Variants in ALS2 observed in about 807,000 individuals in gnomAD.
The protein encoded by ALS2 is alsin.
Under a neutral mutation model 203.4 loss-of-function variants are expected in ALS2, and 117 were observed. The observed-to-expected ratio is 0.58, with a 90% confidence interval of 0.50 to 0.67. The LOEUF is 0.67. Among genes scored for constraint, ALS2 ranks in the 30% least tolerant of loss-of-function variants. The pLI is 0.00. For missense variants in ALS2, 1,715 were observed against 1,989.4 expected (o/e 0.86, Z 2.62); for synonymous variants, 718 against 725.9 (o/e 0.99, Z 0.17).
chr2:201,767,384 C>A lies in ALS2; in HGVS notation c.21-1G>T, dbSNP rs1181318838. 1 of 1,613,900 alleles carries A rather than the reference C, an allele frequency of 6.2e-7. No individual in the cohort carries two copies. Among genetic ancestry groups the A allele is most frequent in the East Asian group, 2.2e-5 (1 of 44,878 alleles). ...CTTGGATCCTTCTGCCTCTGTTGAG[C>A]TAAAACATCAAGAAACATAGCTTAA... On this transcript the variant is annotated splice_acceptor_variant, in intron 2 of 33. Transcript: ENST00000264276. LOFTEE classifies it high-confidence loss of function.
At position 201,707,962 on chromosome 2, in the gene ALS2, C is replaced by T; in HGVS notation, c.4310G>A (p.Gly1437Asp). The T allele has an allele frequency of 6.2e-7, 1 of 1,613,060 alleles. No homozygotes were observed. The highest frequency in any genetic ancestry group is 8.5e-7 in the Non-Finnish European group (1 of 1,179,358). ...RFLFPELPEE[G>D]STIPLSAPLP... The stretch of plus-strand genomic sequence containing the variant: ...AGGAGCAGAGAGAGGAATTGTGCTG[C>T]CTTCTTCAGGCAGCTCAGGAAATAA... The change falls in exon 28 of 34, where the codon GGC (glycine) becomes GAC (aspartate). Residue 1437 changes from glycine to aspartate, a missense_variant. Physicochemically the swap from Gly to Asp is moderately conservative, Grantham distance 94 (BLOSUM62 -1). Transcript: ENST00000264276.
In ALS2 at chr2:201,705,205, A is replaced by G. The variant is rs764322790; in HGVS notation, c.4627-5T>C. ...ATCTTTCGTGGTTGGCAAAACCTGCAAAAAAGAGAGTGAAGGTCAAGGAGG... is the reference window on the plus strand; with the variant it reads ...ATCTTTCGTGGTTGGCAAAACCTGCGAAAAAGAGAGTGAAGGTCAAGGAGG... On this transcript the variant is annotated splice_polypyrimidine_tract_variant and splice_region_variant and intron_variant, in intron 30 of 33. Transcript: ENST00000264276. 2.9e-5 allele frequency: 47 copies of G among 1,613,778 alleles called. 1 individual carries two copies. Among genetic ancestry groups the G allele is most frequent in the South Asian group, 1.2e-4 (11 of 91,076 alleles).
intron 1 of ALS2, chr2:201,780,138 T>C (rs957850640): frequency 6.6e-6 from 1 of 152,216 alleles, no homozygotes; most frequent in African/African-American, 2.4e-5. Context: ...AAGAGTGTTT[T>C]TTCTCTTCCA....
intron 24 of ALS2, 151 bp downstream of exon 24, chr2:201,717,926 G>A: frequency 1.4e-6 from 1 of 738,580 alleles, no homozygotes; most frequent in African/African-American, 1.8e-5. Context: ...GTGACAGAGT[G>A]ACACCCTGTC....
At chr2:201,718,360 A>T in intron 23 of ALS2, 150 bp from the exon 24 acceptor site, 1 of 869,494 alleles carries the variant, frequency 1.2e-6, no homozygotes, top group Non-Finnish European at 1.8e-6. Flanking sequence ...CCTGGGTTAA[A>T]GTGATCCTCC....
chr2:201,717,715 A>T (rs1254163180), intron 24 of ALS2, among the ~76,000 whole-genome samples: 2 of 151,952 alleles, frequency 1.3e-5, no homozygotes, highest in East Asian at 3.9e-4. Context: ...AGGCTGAGGC[A>T]GGAGGATCGC....
intron 2 of ALS2, among the ~76,000 whole-genome samples, chr2:201,768,216 G>A (rs1694199882): frequency 6.6e-6 from 1 of 151,986 alleles, no homozygotes; most frequent in Non-Finnish European, 1.5e-5. Flanking sequence ...AATCCTTAAT[G>A]CTTTGCTCAA....
In ALS2 at chr2:201,709,900, G is replaced by A. The variant is rs863225293; in HGVS notation, c.4261C>T (p.Arg1421Ter). The change falls in exon 27 of 34, where the codon CGA (arginine) becomes TGA (stop). Residue 1421 changes from arginine (R) to a stop codon, truncating the protein, a stop_gained. Coordinates refer to ENST00000264276, the MANE Select transcript of ALS2 (RefSeq NM_020919.4). LOFTEE classifies it high-confidence loss of function. The stretch of plus-strand genomic sequence containing the variant: ...TCTTACCTCACCAGCTGGAAAATTC[G>A]CTTAAGATAGGACTTAATCTCCTTT... ...AVKEIKSYLK[R>*]IFQLVRFLFP... is the part of the protein sequence containing the mutation. The A allele has an allele frequency of 3.7e-6, 6 of 1,613,912 alleles. No homozygotes were observed. Among genetic ancestry groups the A allele is most frequent in the South Asian group, 1.1e-5 (1 of 91,084 alleles).
At chr2:201,733,661 G>A (rs1433844670) in intron 12 of ALS2, among the ~76,000 whole-genome samples, 3 of 152,126 alleles carry the variant, frequency 2.0e-5, no homozygotes, top group South Asian at 2.1e-4. Flanking sequence ...CAATACAAAC[G>A]GTTAATCACA....
At chr2:201,718,346 G>T in intron 23 of ALS2, 136 bp from the exon 24 acceptor site, 2 of 954,552 alleles carry the variant, frequency 2.1e-6, no homozygotes, top group Admixed American at 2.0e-5. Flanking sequence ...TGCAACCTCC[G>T]CTTCCTGGGT....
At chr2:201,758,786 T>TG (rs1553514712) in intron 4 of ALS2, among the ~76,000 whole-genome samples, 1,466 of 103,176 alleles carry the variant, frequency 0.014, 14 homozygotes, top group African/African-American at 0.044. Context: ...GTGTGTGTGT[T>TG]TGTTTGTATA....
chr2:201,747,316 G>A (rs6435102), intron 8 of ALS2, among the ~76,000 whole-genome samples: 135,647 of 151,934 alleles, frequency 0.89, 61,009 homozygotes, highest in East Asian at 1. Flanking sequence ...AAGCCCATCT[G>A]CAGGGATCCC....
At position 201,741,819 on chromosome 2, in the gene ALS2, G is replaced by A. The variant is rs777452142; in HGVS notation, c.2206C>T (p.Gln736Ter). 1 of 1,613,974 alleles carries A rather than the reference G, an allele frequency of 6.2e-7. No individual in the cohort carries two copies. The highest frequency in any genetic ancestry group is 2.2e-5 in the East Asian group (1 of 44,874). ...TTGCTGAATCGGCTAGCCACCTCCT[G>A]CAACAGCTGGACTGTAGTTGTAGTG... is the stretch of plus-strand genomic sequence containing the variant. ...LGTTTTVQLL[Q>*]EVASRFSKLC... The change falls in exon 11 of 34, where the codon CAG becomes TAG. Residue 736 changes from glutamine (Q) to a stop codon, truncating the protein, a stop_gained. Transcript: ENST00000264276. LOFTEE classifies it high-confidence loss of function.
intron 11 of ALS2, among the ~76,000 whole-genome samples, chr2:201,739,462 G>A (rs992610762): frequency 3.3e-5 from 5 of 152,014 alleles, no homozygotes; most frequent in Admixed American, 6.6e-5. Context: ...GACAGTGAAG[G>A]CTGGGGGCGG....
chr2:201,760,682 G>T, intron 4 of ALS2, 199 bp downstream of exon 4: 1 of 1,391,848 alleles, frequency 7.2e-7, no homozygotes, highest in Non-Finnish European at 9.3e-7. Context: ...TATCATAAAG[G>T]GCCAGAACAA....
intron 12 of ALS2, chr2:201,738,404 G>C (rs1692023131): frequency 2.1e-6 from 1 of 485,704 alleles, no homozygotes; most frequent in Non-Finnish European, 3.8e-6. Context: ...CTGAGGTAAA[G>C]AGAGTTGTCC....
intron 25 of ALS2, 63 bp downstream of exon 25, chr2:201,715,609 T>C (rs1448958024): frequency 1.3e-5 from 20 of 1,588,136 alleles, no homozygotes; most frequent in Non-Finnish European, 1.5e-5. Flanking sequence ...CTTGACTACT[T>C]ACTGGTCTTA....
chr2:201,768,758 C>G, intron 2 of ALS2, 108 bp downstream of exon 2: 1 of 1,124,796 alleles, frequency 8.9e-7, no homozygotes, highest in Non-Finnish European at 1.3e-6. Flanking sequence ...ACTATTCCCA[C>G]TTAACAACCA....
chr2:201,741,002 A>G (rs1692233076), intron 11 of ALS2, among the ~76,000 whole-genome samples: 1 of 152,204 alleles, frequency 6.6e-6, no homozygotes, highest in Non-Finnish European at 1.5e-5. Flanking sequence ...GAATGAATAG[A>G]GAACAAAACC....
Sources: gnomAD v4.1 joint callset for allele counts (sites outside exome capture counted in the v4.1 genomes callset) on GRCh38, gnomAD v4.1.1 for gene constraint, MANE v1.5 for transcripts, NCBI Gene and HGNC (gene_info 2026-07-23, HGNC 2026-07-21) for gene names.